ADAMTS19: variants seen among roughly 807,000 people sequenced by gnomAD.
ADAMTS19 encodes A disintegrin and metalloproteinase with thrombospondin motifs 19.
A neutral mutation model predicts 153.3 loss-of-function variants in ADAMTS19; 93 were observed. That is an observed-to-expected ratio of 0.61 (90% CI 0.51 to 0.72). ADAMTS19 has a LOEUF of 0.72. Among genes scored for constraint, ADAMTS19 ranks in the 30% least tolerant of loss-of-function variants. The probability of loss-of-function intolerance (pLI) is 0.00; values close to 1 mark genes in which losing one functional copy is unlikely to be tolerated. For synonymous variants in ADAMTS19, 600 were observed against 556.6 expected (o/e 1.08, Z -1.10); for missense variants, 1,482 against 1,552.1 (o/e 0.95, Z 0.76).
chr5:129,700,611 C>T (rs32797), intron 19 of ADAMTS19, among the ~76,000 whole-genome samples: 143,018 of 152,216 alleles, frequency 0.94, 67,303 homozygotes, highest in East Asian at 1. Flanking sequence ...TGTGCCTGAG[C>T]TTCCCTTTCT....
chr5:129,549,082 C>G (rs533056434), intron 6 of ADAMTS19, among the ~76,000 whole-genome samples: 1 of 147,268 alleles, frequency 6.8e-6, no homozygotes, highest in Non-Finnish European at 1.5e-5. Context: ...TGCTAAATGA[C>G]GAGTTAATGG....
chr5:129,548,947 G>A (rs1752964935), intron 6 of ADAMTS19, among the ~76,000 whole-genome samples: 1 of 144,806 alleles, frequency 6.9e-6, no homozygotes, highest in Non-Finnish European at 1.5e-5. Flanking sequence ...AACAGCACAT[G>A]TTCTCACTCA....
intron 21 of ADAMTS19, among the ~76,000 whole-genome samples, chr5:129,728,301 C>T (rs895162760): frequency 2.0e-5 from 3 of 152,134 alleles, no homozygotes. Flanking sequence ...TATAAGTATA[C>T]TAAATTGAGT....
At chr5:129,704,660 T>G (rs1756062470) in intron 21 of ADAMTS19, among the ~76,000 whole-genome samples, 1 of 152,196 alleles carries the variant, frequency 6.6e-6, no homozygotes, top group Non-Finnish European at 1.5e-5. Context: ...TGCTTTTTTG[T>G]TAATTATTCA....
At chr5:129,638,986 A>G (rs528443041) in intron 10 of ADAMTS19, among the ~76,000 whole-genome samples, 29 of 152,322 alleles carry the variant, frequency 1.9e-4, no homozygotes, top group African/African-American at 5.8e-4. Context: ...TACATATTAT[A>G]TTCTTTTAAT....
At chr5:129,707,100 C>G (rs1756196142) in intron 21 of ADAMTS19, among the ~76,000 whole-genome samples, 1 of 152,082 alleles carries the variant, frequency 6.6e-6, no homozygotes, top group Non-Finnish European at 1.5e-5. Context: ...TTTTTTCAAC[C>G]AAAGGCGGAT....
At chr5:129,484,184 G>A (rs1330642044) in intron 2 of ADAMTS19, among the ~76,000 whole-genome samples, 3 of 151,876 alleles carry the variant, frequency 2.0e-5, no homozygotes, top group African/African-American at 4.8e-5. Context: ...TTTAAATGCT[G>A]TACCCAGATC....
chr5:129,621,668 T>C (rs1315412244), intron 9 of ADAMTS19, among the ~76,000 whole-genome samples: 1 of 152,208 alleles, frequency 6.6e-6, no homozygotes, highest in African/African-American at 2.4e-5. Context: ...TGCATGATTT[T>C]GTATGGCTGC....
At chr5:129,507,495 A>C (rs1751302263) in intron 2 of ADAMTS19, among the ~76,000 whole-genome samples, 1 of 152,128 alleles carries the variant, frequency 6.6e-6, no homozygotes, top group Non-Finnish European at 1.5e-5. Context: ...AGACTGAGAG[A>C]AGTAAAATAT....
intron 2 of ADAMTS19, among the ~76,000 whole-genome samples, chr5:129,487,124 C>G (rs571134056): frequency 6.6e-6 from 1 of 152,244 alleles, no homozygotes; most frequent in African/African-American, 2.4e-5. Flanking sequence ...GTAACCAAAA[C>G]AGAATAATTT....
chr5:129,542,078 G>A (rs1457389887), intron 6 of ADAMTS19, among the ~76,000 whole-genome samples: 1 of 152,064 alleles, frequency 6.6e-6, no homozygotes, highest in Non-Finnish European at 1.5e-5. Context: ...GAGCCACAGA[G>A]ACCAACTTTG....
At chr5:129,516,662 T>C (rs866241988) in intron 3 of ADAMTS19, among the ~76,000 whole-genome samples, 1 of 151,924 alleles carries the variant, frequency 6.6e-6, no homozygotes, top group African/African-American at 2.4e-5. Flanking sequence ...TCATTTCTGA[T>C]TTTATTTGTT....
At chr5:129,676,189 T>C (rs567671627) in intron 16 of ADAMTS19, among the ~76,000 whole-genome samples, 61 of 152,284 alleles carry the variant, frequency 4.0e-4, no homozygotes, top group African/African-American at 1.5e-3. Context: ...GGTTGGATGC[T>C]GGATATTATG....
chr5:129,485,325 T>C (rs1050573347), intron 2 of ADAMTS19, among the ~76,000 whole-genome samples: 1 of 152,146 alleles, frequency 6.6e-6, no homozygotes, highest in African/African-American at 2.4e-5. Context: ...AAAATGTCTC[T>C]AAACATGTGG....
intron 3 of ADAMTS19, among the ~76,000 whole-genome samples, chr5:129,517,815 T>G (rs1444491716): frequency 2.0e-5 from 3 of 152,162 alleles, no homozygotes; most frequent in Non-Finnish European, 4.4e-5. Context: ...GGACTTATAC[T>G]CCTGCCATTT....
chr5:129,681,880 A>C (rs939826297), intron 17 of ADAMTS19, among the ~76,000 whole-genome samples: 3 of 152,206 alleles, frequency 2.0e-5, no homozygotes, highest in African/African-American at 7.2e-5. Context: ...TTATATGAAC[A>C]ATATCTGTTT....
chr5:129,645,885 ATTT>A (rs529444004), intron 11 of ADAMTS19, among the ~76,000 whole-genome samples: 2,596 of 97,146 alleles, frequency 0.027, 106 homozygotes, highest in African/African-American at 0.092. Flanking sequence ...TCCTTTTCCA[ATTT>A]TTTTTTTTTT....
intron 2 of ADAMTS19, among the ~76,000 whole-genome samples, chr5:129,501,537 A>ATT (rs545037007): frequency 6.6e-6 from 1 of 151,428 alleles, no homozygotes; most frequent in African/African-American, 2.4e-5. Flanking sequence ...AAAGATGAGG[A>ATT]TTTTTTTTTG....
Position 129,591,108 on chromosome 5 carries a change from T to C in ADAMTS19, c.1373-5451T>C, listed in dbSNP as rs541577328. Among the ~76,000 whole-genome samples, 12 of 152,250 alleles carry C rather than the reference T, an allele frequency of 7.9e-5. 1 individual carries two copies. In the South Asian group the frequency reaches 2.5e-3, roughly 32 times the overall value. On this transcript the variant is annotated intron_variant, in intron 7 of 22. Transcript: ENST00000274487. ...CCTTTGTTCAGGGACTCCCTCCAAC[T>C]CCCATTGCCTTTCCCTGGCTAACCC... is the stretch of plus-strand genomic sequence containing the variant.
Sources: allele counts gnomAD v4.1 joint callset (sites outside exome capture counted in the v4.1 genomes callset), GRCh38; gene constraint gnomAD v4.1.1; transcripts MANE v1.5; gene names NCBI Gene and HGNC (gene_info 2026-07-23, HGNC 2026-07-21).